The following NTM variants were observed in gnomAD, a reference collection of about 807,000 sequenced individuals.
NTM encodes IgLON family member 2.
NTM carries 13 observed loss-of-function variants against 42.1 expected under a neutral mutation model. The observed-to-expected ratio is 0.31, with a 90% confidence interval of 0.20 to 0.49. NTM has a LOEUF of 0.49. Among genes scored for constraint, NTM ranks in the 20% least tolerant of loss-of-function variants. The pLI is 0.99. For synonymous variants in NTM, 187 were observed against 179.2 expected (o/e 1.04, Z -0.35); for missense variants, 373 against 452.8 (o/e 0.82, Z 1.60).
intron 1 of NTM, among the ~76,000 whole-genome samples, chr11:131,381,296 C>A (rs1055293165): frequency 6.6e-6 from 1 of 152,114 alleles, no homozygotes; most frequent in Non-Finnish European, 1.5e-5. Context: ...GTCTCTCTTC[C>A]ACAAAGCTGT....
At chr11:132,181,027 A>G (rs115608124) in intron 3 of NTM, among the ~76,000 whole-genome samples, 4,480 of 152,290 alleles carry the variant, frequency 0.029, 216 homozygotes, top group African/African-American at 0.098. Context: ...TACAAGTAAG[A>G]CAAGTGATTG....
intron 1 of NTM, among the ~76,000 whole-genome samples, chr11:131,375,076 C>T (rs972234227): frequency 1.3e-5 from 2 of 152,188 alleles, no homozygotes; most frequent in African/African-American, 2.4e-5. Flanking sequence ...ACCCAATATG[C>T]GTGGTCTCCA....
intron 1 of NTM, among the ~76,000 whole-genome samples, chr11:131,873,312 G>T (rs2047991966): frequency 6.7e-6 from 1 of 150,276 alleles, no homozygotes; most frequent in South Asian, 2.1e-4. Context: ...GCTGAACAAT[G>T]AGAACACATG....
chr11:131,812,970 C>T (rs2136326093), intron 1 of NTM, among the ~76,000 whole-genome samples: 1 of 152,290 alleles, frequency 6.6e-6, no homozygotes, highest in East Asian at 1.9e-4. Context: ...GAGACTATTG[C>T]ACCGTAAGGC....
chr11:131,731,000 C>T (rs981767044), intron 1 of NTM, among the ~76,000 whole-genome samples: 6 of 152,132 alleles, frequency 3.9e-5, no homozygotes, highest in Admixed American at 1.3e-4. Flanking sequence ...CATAGAACTA[C>T]GAGGCTGCTT....
At chr11:132,121,437 T>A (rs2064807592) in intron 2 of NTM, among the ~76,000 whole-genome samples, 2 of 152,158 alleles carry the variant, frequency 1.3e-5, no homozygotes, top group Admixed American at 1.3e-4. Flanking sequence ...AGAGGCGTGA[T>A]GAAATGCAGG....
At position 131,711,081 on chromosome 11, in the gene NTM, A is replaced by G. The variant is rs566900541; in HGVS notation, c.83-200483A>G. The stretch of plus-strand genomic sequence containing the variant: ...GGACATAGGCATGGGCAAGGACTTC[A>G]TGTCTAAAACACCAAAAGCAATGGC... On this transcript the variant is annotated intron_variant, in intron 1 of 8. Transcript: ENST00000683400. Among the ~76,000 whole-genome samples, 3 of 152,294 alleles carry G rather than the reference A, an allele frequency of 2.0e-5. No homozygotes were observed. The East Asian group carries it at 5.8e-4, about 29-fold the overall frequency.
chr11:131,856,509 C>A (rs2046116805), intron 1 of NTM, among the ~76,000 whole-genome samples: 1 of 152,184 alleles, frequency 6.6e-6, no homozygotes. Flanking sequence ...CACTGACCAG[C>A]ATTCATTCAC....
chr11:132,318,781 C>A lies in NTM; in HGVS notation c.934+4078C>A, dbSNP rs189413943. On this transcript the variant is annotated intron_variant, in intron 7 of 8. Coordinates refer to ENST00000683400, the MANE Select transcript of NTM (RefSeq NM_001352005.2). ...CCCCTGACCTCCTCTCCCCACCTCA[C>A]CCCACCCTGTTCATCCCCTCACATT... 7.4e-4 allele frequency among the ~76,000 whole-genome samples: 112 copies of A among 152,302 alleles called. 1 individual carries two copies. The East Asian group carries it at 0.018, about 25-fold the overall frequency.
At chr11:131,790,318 C>T (rs934507023) in intron 1 of NTM, among the ~76,000 whole-genome samples, 7 of 152,080 alleles carry the variant, frequency 4.6e-5, no homozygotes, top group African/African-American at 1.4e-4. Context: ...CCATTTTGCA[C>T]GTGTTTTATT....
chr11:131,937,310 C>T (rs557576615), intron 2 of NTM, among the ~76,000 whole-genome samples: 3 of 152,216 alleles, frequency 2.0e-5, no homozygotes, highest in South Asian at 2.1e-4. Flanking sequence ...TATTCTAGCT[C>T]TTAATGTTTG....
chr11:131,847,387 G>C (rs1194617551), intron 1 of NTM, among the ~76,000 whole-genome samples: 4 of 151,952 alleles, frequency 2.6e-5, no homozygotes, highest in African/African-American at 9.7e-5. Context: ...GAAGGAGGAG[G>C]GGAAAAGATG....
intron 1 of NTM, among the ~76,000 whole-genome samples, chr11:131,629,478 A>G (rs1405279326): frequency 6.6e-6 from 1 of 152,220 alleles, no homozygotes; most frequent in Non-Finnish European, 1.5e-5. Flanking sequence ...ACAGGCAGCT[A>G]TATGGTGAAG....
chr11:131,524,842 G>A (rs1409527581), intron 1 of NTM, among the ~76,000 whole-genome samples: 2 of 152,186 alleles, frequency 1.3e-5, no homozygotes, highest in Non-Finnish European at 2.9e-5. Context: ...GGGCTGGAGT[G>A]AGGATGACCT....
intron 4 of NTM, among the ~76,000 whole-genome samples, chr11:132,251,101 C>T (rs1319237190): frequency 2.6e-5 from 4 of 152,198 alleles, no homozygotes; most frequent in South Asian, 2.1e-4. Context: ...TAATTCAAAC[C>T]GTAACACAAT....
rs560638473 is a variant in NTM, at chr11:132,289,137, T to C, written c.527-18552T>C. Among the ~76,000 whole-genome samples, 30 of 152,338 alleles carry C rather than the reference T, an allele frequency of 2.0e-4. No homozygotes were observed. In the East Asian group the frequency reaches 5.6e-3, roughly 28 times the overall value. ...CAGGGCATAGTTTTAGCAGCTGCTT[T>C]AAGATCTGGCAATTTGCAACAATTC... On this transcript the variant is annotated intron_variant, in intron 4 of 8. Transcript: ENST00000683400.
At chr11:132,037,189 G>A (rs963456450) in intron 2 of NTM, among the ~76,000 whole-genome samples, 3 of 152,058 alleles carry the variant, frequency 2.0e-5, no homozygotes, top group African/African-American at 7.2e-5. Flanking sequence ...GGGTGAGTGA[G>A]CTCTTGCTCT....
intron 1 of NTM, among the ~76,000 whole-genome samples, chr11:131,510,733 A>T (rs1358826573): frequency 1.3e-5 from 2 of 152,214 alleles, no homozygotes; most frequent in Admixed American, 1.3e-4. Context: ...TCCTGTGCCC[A>T]TCTCTTTCTG....
intron 1 of NTM, among the ~76,000 whole-genome samples, chr11:131,661,522 A>G (rs1384777589): frequency 6.6e-6 from 1 of 152,218 alleles, no homozygotes; most frequent in Non-Finnish European, 1.5e-5. Context: ...AGGTCTATCC[A>G]ACTACTGTCA....
Sources: gnomAD v4.1 joint callset for allele counts (sites outside exome capture counted in the v4.1 genomes callset) on GRCh38, gnomAD v4.1.1 for gene constraint, MANE v1.5 for transcripts, NCBI Gene and HGNC (gene_info 2026-07-23, HGNC 2026-07-21) for gene names.